Variants in OTUD7B observed in about 807,000 individuals in gnomAD.
OTUD7B encodes OTU deubiquitinase 7B.
OTUD7B carries 34 observed loss-of-function variants against 82.2 expected under a neutral mutation model. The observed-to-expected ratio is 0.41, with a 90% CI of 0.31 to 0.55. The LOEUF is 0.55. OTUD7B is among the 20% of genes least tolerant of loss of function. OTUD7B has a pLI of 0.20. For synonymous variants in OTUD7B, 398 were observed against 402.7 expected, an observed-to-expected ratio of 0.99 and a Z score of 0.14; for missense variants, 944 against 1,062.1, an observed-to-expected ratio of 0.89 and a Z score of 1.55.
the OTUD7B span, among the ~76,000 whole-genome samples, chr1:150,061,373 T>C: frequency 6.6e-6 from 1 of 152,260 alleles, no homozygotes; most frequent in African/African-American, 2.4e-5. Flanking sequence ...AACTCTGGTT[T>C]ATTTGTCTTA....
chr1:150,015,562 T>G (rs1359756535), upstream of OTUD7B, among the ~76,000 whole-genome samples: 2 of 152,112 alleles, frequency 1.3e-5, no homozygotes, highest in African/African-American at 4.8e-5. Context: ...ATTACAAGCG[T>G]GAGCCCAAAG....
chr1:150,021,651 T>A, the OTUD7B span, among the ~76,000 whole-genome samples: 1 of 152,202 alleles, frequency 6.6e-6, no homozygotes, highest in African/African-American at 2.4e-5. Context: ...TTGGATTTAA[T>A]GAGAGAAGAC....
chr1:150,002,454 T>C (rs587623832), intron 1 of OTUD7B, among the ~76,000 whole-genome samples: 51 of 152,274 alleles, frequency 3.3e-4, no homozygotes, highest in Non-Finnish European at 5.7e-4. Context: ...CTCTTCCCAA[T>C]GGTACTCTCA....
chr1:150,024,474 A>G, the OTUD7B span, among the ~76,000 whole-genome samples: 1 of 152,206 alleles, frequency 6.6e-6, no homozygotes, highest in African/African-American at 2.4e-5. Context: ...GAAGAATGTT[A>G]AATAGGGTTA....
chr1:150,004,570 AATAAATAAATAAATAC>A (rs1472229352), intron 1 of OTUD7B, among the ~76,000 whole-genome samples: 1 of 151,134 alleles, frequency 6.6e-6, no homozygotes, highest in African/African-American at 2.4e-5. Context: ...GTCTCAAAAA[AATAAATAAATAAATAC>A]ATAAATAAAT....
chr1:149,994,102 C>A (rs941080284), intron 1 of OTUD7B, among the ~76,000 whole-genome samples: 6 of 152,124 alleles, frequency 3.9e-5, no homozygotes, highest in Admixed American at 3.9e-4. Context: ...ATCCAAGAAA[C>A]CAACCCTTCT....
intron 1 of OTUD7B, among the ~76,000 whole-genome samples, chr1:150,008,516 T>C (rs1652813059): frequency 6.6e-6 from 1 of 152,212 alleles, no homozygotes; most frequent in Non-Finnish European, 1.5e-5. Flanking sequence ...CACCGGGCCT[T>C]ATACAAGTCA....
chr1:149,968,722 G>A (rs1181091959), intron 3 of OTUD7B, among the ~76,000 whole-genome samples: 1 of 151,990 alleles, frequency 6.6e-6, no homozygotes, highest in Non-Finnish European at 1.5e-5. Context: ...GTTTGTTTTT[G>A]TTCTTTGAGA....
intron 4 of OTUD7B, among the ~76,000 whole-genome samples, chr1:149,966,566 A>G (rs1419856920): frequency 2.0e-5 from 3 of 152,232 alleles, no homozygotes; most frequent in African/African-American, 7.2e-5. Flanking sequence ...CCATGCAGTC[A>G]TCCCACAATT....
At chr1:150,061,965 G>A in the OTUD7B span, among the ~76,000 whole-genome samples, 1 of 152,070 alleles carries the variant, frequency 6.6e-6, no homozygotes, top group Non-Finnish European at 1.5e-5. Context: ...GGAAGGTTTC[G>A]ATGCAGAGAT....
chr1:150,050,601 T>A, the OTUD7B span: 1 of 152,158 alleles, frequency 6.6e-6, no homozygotes, highest in Admixed American at 6.5e-5. Context: ...GAAAAAATAA[T>A]GTAACAGCAA....
At chr1:150,059,304 C>CCT in the OTUD7B span, among the ~76,000 whole-genome samples, 2 of 39,134 alleles carry the variant, frequency 5.1e-5, 1 homozygote, top group Non-Finnish European at 1.6e-4. Context: ...CCACCCCCCC[C>CCT]CCCCCCGCCT....
Position 149,941,921 on chromosome 1 carries a change from C to T in OTUD7B, c.*1936G>A, listed in dbSNP as rs1647288044. ...CCCTTCCTTTGGAATCTCACTGCTT[C>T]CTTAACACAAATCTATTTTCAAAGA... On this transcript the variant is annotated 3_prime_UTR_variant, in exon 12 of 12. Coordinates refer to ENST00000581312, the MANE Select transcript of OTUD7B (RefSeq NM_020205.4). The T allele has an allele frequency of 6.6e-6, 1 of 152,148 alleles. No individual in the cohort carries two copies. Among genetic ancestry groups the T allele is most frequent in the Admixed American group, 6.5e-5 (1 of 15,278 alleles). 9.4% of individuals were successfully genotyped at this position (152,148 alleles called of 1,614,324 possible).
intron 1 of OTUD7B, among the ~76,000 whole-genome samples, chr1:149,992,476 T>TTTTTG (rs1553782346): frequency 1.3e-3 from 2 of 1,586 alleles, no homozygotes; most frequent in South Asian, 0.17. Context: ...TGTTTTTTTT[T>TTTTTG]TTTTTTTTTT....
upstream of OTUD7B, among the ~76,000 whole-genome samples, chr1:150,010,876 C>T (rs1425635069): frequency 6.6e-6 from 1 of 152,162 alleles, no homozygotes; most frequent in Non-Finnish European, 1.5e-5. Context: ...CAGTTTGGCG[C>T]TTGCCCCGCG....
chr1:149,980,716 A>G (rs1650658782), intron 1 of OTUD7B, among the ~76,000 whole-genome samples: 1 of 151,426 alleles, frequency 6.6e-6, no homozygotes, highest in East Asian at 1.9e-4. Flanking sequence ...TGTCTCGAAA[A>G]AAACAAAAAG....
intron 1 of OTUD7B, among the ~76,000 whole-genome samples, chr1:149,986,980 T>C (rs191235762): frequency 2.2e-4 from 33 of 152,332 alleles, no homozygotes; most frequent in Admixed American, 2.0e-3. Flanking sequence ...AAGGGATCTA[T>C]ATAACACTAA....
chr1:149,983,963 T>C (rs1412517401), intron 1 of OTUD7B, among the ~76,000 whole-genome samples: 1 of 152,210 alleles, frequency 6.6e-6, no homozygotes, highest in African/African-American at 2.4e-5. Flanking sequence ...GATCACCTAA[T>C]TTACTTTCCT....
rs1647233616 is a variant in OTUD7B, at chr1:149,941,190, C to G, written c.*2667G>C. The G allele has an allele frequency of 6.6e-6, 1 of 151,992 alleles. No homozygotes were observed. Among genetic ancestry groups the G allele is most frequent in the Non-Finnish European group, 1.5e-5 (1 of 67,996 alleles). The allele number at this position is 151,992 out of a possible 1,614,324, so 9.4% of individuals were successfully genotyped here. On this transcript the variant is annotated 3_prime_UTR_variant, in exon 12 of 12. Coordinates refer to ENST00000581312, the MANE Select transcript of OTUD7B (RefSeq NM_020205.4). ...CAAACATGATACAAGGTTTTTTGTT[C>G]ATTTGTCCTTAGTTTTTAAAAACAA...
Sources: gnomAD v4.1 joint callset for allele counts (sites outside exome capture counted in the v4.1 genomes callset) on GRCh38, gnomAD v4.1.1 for gene constraint, MANE v1.5 for transcripts, NCBI Gene and HGNC (gene_info 2026-07-23, HGNC 2026-07-21) for gene names.